Variants in DSCAM observed in about 807,000 individuals in gnomAD.
The protein encoded by DSCAM is cell adhesion molecule DSCAM.
DSCAM carries 47 observed loss-of-function variants against 217.7 expected under a neutral mutation model. The observed-to-expected ratio is 0.22, with a 90% CI of 0.17 to 0.28. The LOEUF is 0.28. Ranked by LOEUF, DSCAM falls within the 10% of genes least tolerant of loss-of-function variation. The probability of loss-of-function intolerance (pLI) is 1.00; values close to 1 mark genes in which losing one functional copy is unlikely to be tolerated. For synonymous variants in DSCAM, 1,056 were observed against 1,015.3 expected (o/e 1.04, Z -0.76); for missense variants, 2,080 against 2,618.3 (o/e 0.79, Z 4.49).
At chr21:40,181,796 T>C (rs1465305876) in intron 14 of DSCAM, among the ~76,000 whole-genome samples, 1 of 152,002 alleles carries the variant, frequency 6.6e-6, no homozygotes, top group Non-Finnish European at 1.5e-5. Context: ...AGAATGACTG[T>C]ACCATCTGTG....
At chr21:40,841,713 C>T (rs901298938) in intron 1 of DSCAM, among the ~76,000 whole-genome samples, 100 of 152,302 alleles carry the variant, frequency 6.6e-4, no homozygotes, top group Non-Finnish European at 1.2e-3. Flanking sequence ...GCCAATCAGG[C>T]GCGGAGCTGC....
intron 3 of DSCAM, among the ~76,000 whole-genome samples, chr21:40,607,577 G>A (rs1419531907): frequency 2.0e-5 from 3 of 152,066 alleles, no homozygotes; most frequent in Non-Finnish European, 4.4e-5. Flanking sequence ...TGTCATGGGA[G>A]GGGCCCGGTG....
At chr21:40,709,931 G>C (rs572098045) in intron 1 of DSCAM, among the ~76,000 whole-genome samples, 2 of 152,110 alleles carry the variant, frequency 1.3e-5, no homozygotes, top group Non-Finnish European at 2.9e-5. Flanking sequence ...TTCCACAATG[G>C]TTGAACTAAT....
At chr21:40,215,952 A>C (rs1157634518) in intron 11 of DSCAM, among the ~76,000 whole-genome samples, 1 of 152,138 alleles carries the variant, frequency 6.6e-6, no homozygotes, top group Non-Finnish European at 1.5e-5. Context: ...AAAAAAAAAA[A>C]AAACAACTTT....
chr21:40,792,269 C>T lies in DSCAM; in HGVS notation c.43+54350G>A, dbSNP rs1270811643. On this transcript the variant is annotated intron_variant, in intron 1 of 32. Coordinates refer to ENST00000400454, the MANE Select transcript of DSCAM (RefSeq NM_001389.5). The stretch of plus-strand genomic sequence containing the variant: ...TTCTCCTGCCTCAGCCTCCTGAGTA[C>T]GTGGGACTATAGGCATGCGCCACCA... Among the ~76,000 whole-genome samples the T allele has an allele frequency of 7.3e-5, 11 of 151,040 alleles. No individual in the cohort carries two copies. In the East Asian group the frequency reaches 1.6e-3, roughly 22 times the overall value.
chr21:40,735,716 A>G (rs1166058517), intron 1 of DSCAM, among the ~76,000 whole-genome samples: 1 of 152,258 alleles, frequency 6.6e-6, no homozygotes, highest in African/African-American at 2.4e-5. Flanking sequence ...CCACATGGCT[A>G]GAAAGTGACA....
intron 3 of DSCAM, among the ~76,000 whole-genome samples, chr21:40,522,114 C>T (rs769870802): frequency 4.6e-5 from 7 of 152,046 alleles, no homozygotes; most frequent in South Asian, 2.1e-4. Context: ...TGCTATAGAA[C>T]AAAGCTAGGC....
At chr21:40,615,292 A>AAG (rs1047171301) in intron 3 of DSCAM, 6 of 151,426 alleles carry the variant, frequency 4.0e-5, no homozygotes, top group African/African-American at 1.5e-4. Context: ...AAAAAAAAAA[A>AAG]AAAAAAAGAA....
intron 3 of DSCAM, among the ~76,000 whole-genome samples, chr21:40,436,953 C>T (rs867281983): frequency 2.6e-5 from 4 of 152,090 alleles, no homozygotes; most frequent in South Asian, 4.1e-4. Context: ...ATACTGTTTT[C>T]CAAAAGGATT....
intron 4 of DSCAM, among the ~76,000 whole-genome samples, chr21:40,361,191 A>G (rs2074760473): frequency 6.6e-6 from 1 of 152,050 alleles, no homozygotes. Context: ...CGTACAGAAA[A>G]GTAGACAAAA....
intron 3 of DSCAM, among the ~76,000 whole-genome samples, chr21:40,371,167 T>C (rs1318106442): frequency 6.6e-6 from 1 of 152,194 alleles, no homozygotes; most frequent in South Asian, 2.1e-4. Context: ...CCATAAATAA[T>C]GCTAGCTATT....
At chr21:40,740,848 A>G (rs1448580793) in intron 1 of DSCAM, among the ~76,000 whole-genome samples, 7 of 152,248 alleles carry the variant, frequency 4.6e-5, no homozygotes, top group Non-Finnish European at 8.8e-5. Flanking sequence ...CAAAGGTTTT[A>G]GTGGAAGTAA....
chr21:40,324,787 G>C (rs2074300418), intron 8 of DSCAM, among the ~76,000 whole-genome samples: 1 of 152,092 alleles, frequency 6.6e-6, no homozygotes, highest in Admixed American at 6.5e-5. Flanking sequence ...GAAAAGAAAA[G>C]CCATTTGAAT....
chr21:40,353,603 C>T lies in DSCAM; in HGVS notation c.796G>A (p.Glu266Lys), dbSNP rs770432921. Residue 266 changes from glutamate to lysine, a missense_variant, in exon 5 of 33, where the codon GAA becomes AAA. Physicochemically the swap from Glu to Lys is moderately conservative, Grantham distance 56 (BLOSUM62 1). This residue lies in a region of DSCAM where 568 missense variants were observed against 678.1 expected (regional missense o/e 0.84). Transcript: ENST00000400454. ...YRWLKDNMPL[E>K]LSGRFQKTVT... ...GTCTTCTGGAACCTCCCTGAAAGTT[C>T]CAGGGGCATGTTGTCCTTCAGCCAG... 1 of 1,611,424 alleles carries T rather than the reference C, an allele frequency of 6.2e-7. No individual in the cohort carries two copies. Among genetic ancestry groups the T allele is most frequent in the Admixed American group, 1.7e-5 (1 of 58,786 alleles).
intron 2 of DSCAM, among the ~76,000 whole-genome samples, chr21:40,694,605 CAG>C (rs1335331741): frequency 2.0e-5 from 3 of 151,822 alleles, no homozygotes; most frequent in Non-Finnish European, 4.4e-5. Context: ...TGTATCTAAC[CAG>C]AGAGATTTTT....
intron 3 of DSCAM, among the ~76,000 whole-genome samples, chr21:40,653,571 G>A (rs540949987): frequency 6.6e-6 from 1 of 152,246 alleles, no homozygotes; most frequent in East Asian, 1.9e-4. Context: ...TGGAAAGAAG[G>A]CCACACCCTC....
intron 5 of DSCAM, among the ~76,000 whole-genome samples, chr21:40,352,210 C>T (rs116688555): frequency 4.6e-5 from 7 of 152,098 alleles, no homozygotes; most frequent in Non-Finnish European, 1.0e-4. Context: ...GCTTGAGATG[C>T]CTTCAGTACT....
chr21:40,708,713 T>C lies in DSCAM; in HGVS notation c.102A>G (p.Val34=), dbSNP rs2090744474. 6.2e-7 allele frequency: 1 copy of C among 1,610,858 alleles called. No homozygotes were observed. The highest frequency in any genetic ancestry group is 1.7e-5 in the Admixed American group (1 of 59,632). ...LYFVNASLQE[V]VFASTTGTLV... ...GAGTCCCCGTGGTGCTGGCAAACAC[T>C]ACCTCTTGCAGAGATGCATTGACAA... Residue 34 remains valine (V), a synonymous_variant, in exon 2 of 33, where the codon GTA becomes GTG. Coordinates refer to ENST00000400454, the MANE Select transcript of DSCAM (RefSeq NM_001389.5).
chr21:40,129,631 G>A (rs529276495), intron 19 of DSCAM, among the ~76,000 whole-genome samples: 13 of 152,300 alleles, frequency 8.5e-5, no homozygotes, highest in Admixed American at 5.9e-4. Context: ...CTTGTCTGTC[G>A]TGTTGCTGGT....
Sources: gnomAD v4.1 joint callset for allele counts (sites outside exome capture counted in the v4.1 genomes callset) on GRCh38, gnomAD v4.1.1 for gene constraint, gnomAD v4.1.1 regional missense constraint, MANE v1.5 for transcripts, NCBI Gene and HGNC (gene_info 2026-07-23, HGNC 2026-07-21) for gene names.